Variants in RRAS2 observed in about 807,000 individuals in gnomAD.
The protein encoded by RRAS2 is RAS related 2.
In RRAS2, 7 loss-of-function variants were observed where a neutral mutation model predicts 27.6. The ratio of observed to expected loss-of-function variants is 0.25; its 90% CI spans 0.14 to 0.48. The LOEUF is 0.48. Among genes scored for constraint, RRAS2 ranks in the 20% least tolerant of loss-of-function variants. The probability of loss-of-function intolerance (pLI) is 0.99; values close to 1 mark genes in which losing one functional copy is unlikely to be tolerated. For synonymous variants in RRAS2, 86 were observed against 90.9 expected, an observed-to-expected ratio of 0.95 and a Z score of 0.31; for missense variants, 178 against 256.2, an observed-to-expected ratio of 0.69 and a Z score of 2.08.
chr11:14,294,626 T>C, intron 3 of RRAS2, 47 bp from the exon 4 acceptor site: 1 of 1,507,096 alleles, frequency 6.6e-7, no homozygotes, highest in Non-Finnish European at 9.1e-7. Context: ...TGGTCAAGTA[T>C]CAGAATTCAG....
At chr11:14,302,521 C>G (rs972458094) in intron 1 of RRAS2, among the ~76,000 whole-genome samples, 2 of 152,146 alleles carry the variant, frequency 1.3e-5, no homozygotes, top group East Asian at 3.8e-4. Flanking sequence ...ATTTCCTCAA[C>G]AGAAAAGGGC....
At chr11:14,318,816 CTT>C (rs1554949874) in intron 1 of RRAS2, among the ~76,000 whole-genome samples, 1 of 152,240 alleles carries the variant, frequency 6.6e-6, no homozygotes, top group East Asian at 1.9e-4. Flanking sequence ...ATAAATCAGA[CTT>C]TTACAAAACT....
chr11:14,357,371 ATACGTACAATC>A (rs1267353780), intron 1 of RRAS2, among the ~76,000 whole-genome samples: 2 of 152,076 alleles, frequency 1.3e-5, no homozygotes, highest in Admixed American at 6.5e-5. Context: ...TTGCCATTAG[ATACGTACAATC>A]TCTCTGCGCC....
intron 1 of RRAS2, among the ~76,000 whole-genome samples, chr11:14,323,323 C>A (rs1172533380): frequency 6.6e-6 from 1 of 151,898 alleles, no homozygotes; most frequent in Non-Finnish European, 1.5e-5. Flanking sequence ...CCAAGCATAG[C>A]GGCATGCGCC....
At position 14,278,671 on chromosome 11, in the gene RRAS2, T is replaced by TAG. The variant is rs1436796152; in HGVS notation, c.*665_*666insCT. On this transcript the variant is annotated 3_prime_UTR_variant, in exon 6 of 6. Transcript: ENST00000256196. Reference sequence around the variant, plus strand: ...AATTAAAAAATCAAGTACACTGAAATATCTAAGTCCTAAATGAGTCCAAAT... The same window carrying TAG: ...AATTAAAAAATCAAGTACACTGAAATAGATCTAAGTCCTAAATGAGTCCAAAT... 6.6e-6 allele frequency: 1 copy of TAG among 152,230 alleles called. No homozygotes were observed. The highest frequency in any genetic ancestry group is 1.5e-5 in the Non-Finnish European group (1 of 68,022). The allele number at this position is 152,230 out of a possible 1,614,324, so 9.4% of individuals were successfully genotyped here. A position where few individuals can be genotyped will look rare whatever the true frequency, so the allele number is the denominator to read the frequency against.
chr11:14,344,358 A>G lies in RRAS2; in HGVS notation c.108+14405T>C, dbSNP rs530241468. Among the ~76,000 whole-genome samples the G allele has an allele frequency of 1.2e-4, 19 of 152,240 alleles. No individual in the cohort carries two copies. In the South Asian group the frequency reaches 3.9e-3, roughly 32 times the overall value. On this transcript the variant is annotated intron_variant, in intron 1 of 5. Coordinates refer to ENST00000256196, the MANE Select transcript of RRAS2 (RefSeq NM_012250.6). ...CCCACAAACCTCTCTCTAACCTTAA[A>G]TTCACTCCTTCCTCAAGTAAAATGT...
chr11:14,352,555 T>C (rs1848977983), intron 1 of RRAS2, among the ~76,000 whole-genome samples: 2 of 152,104 alleles, frequency 1.3e-5, no homozygotes, highest in Admixed American at 1.3e-4. Context: ...TTCATGACTA[T>C]TAACTCCATA....
chr11:14,302,064 C>CCA lies in RRAS2; in HGVS notation c.109-6211_109-6210dup, dbSNP rs1391326999. ...GCCTATAAAACAAGGAGTAAATGTA[C>CCA]CACACACATACACACACACACACAC... On this transcript the variant is annotated intron_variant, in intron 1 of 5. Transcript: ENST00000256196. Among the ~76,000 whole-genome samples the CCA allele has an allele frequency of 2.3e-4, 12 of 51,846 alleles. 1 individual carries two copies. Among genetic ancestry groups the CCA allele is most frequent in the East Asian group, 2.3e-3 (3 of 1,326 alleles). 34.0% of individuals were successfully genotyped at this position (51,846 alleles called of 152,430 possible). A position where few individuals can be genotyped will look rare whatever the true frequency, so the allele number is the denominator to read the frequency against.
At chr11:14,316,097 T>C (rs957899471) in intron 1 of RRAS2, among the ~76,000 whole-genome samples, 3 of 152,196 alleles carry the variant, frequency 2.0e-5, no homozygotes, top group African/African-American at 4.8e-5. Flanking sequence ...AACAGGAAGT[T>C]TGGTCCTTCT....
intron 1 of RRAS2, among the ~76,000 whole-genome samples, chr11:14,344,920 A>G (rs1220908603): frequency 2.0e-5 from 3 of 151,658 alleles, no homozygotes; most frequent in African/African-American, 7.3e-5. Flanking sequence ...ACCATAATAG[A>G]TACAACTCAT....
intron 1 of RRAS2, among the ~76,000 whole-genome samples, chr11:14,312,049 G>A (rs1405012844): frequency 6.6e-6 from 1 of 151,954 alleles, no homozygotes; most frequent in African/African-American, 2.4e-5. Context: ...ATTTTTAGTA[G>A]AGATGGGGTT....
At chr11:14,297,540 T>C (rs1203084591) in intron 1 of RRAS2, among the ~76,000 whole-genome samples, 1 of 152,130 alleles carries the variant, frequency 6.6e-6, no homozygotes, top group East Asian at 1.9e-4. Flanking sequence ...TTTGTGAAAA[T>C]TACTTGAGCC....
intron 1 of RRAS2, among the ~76,000 whole-genome samples, chr11:14,297,374 C>CAGA (rs1364715426): frequency 6.6e-6 from 1 of 152,156 alleles, no homozygotes; most frequent in Non-Finnish European, 1.5e-5. Flanking sequence ...TTGAAGAGGA[C>CAGA]AGAAAAGAAT....
At chr11:14,340,938 C>G (rs1366114756) in intron 1 of RRAS2, among the ~76,000 whole-genome samples, 5 of 152,144 alleles carry the variant, frequency 3.3e-5, no homozygotes, top group Non-Finnish European at 5.9e-5. Flanking sequence ...TCCAAGAACA[C>G]AGAATTCCTT....
chr11:14,332,549 A>C (rs1160541792), intron 1 of RRAS2, among the ~76,000 whole-genome samples: 1 of 152,202 alleles, frequency 6.6e-6, no homozygotes, highest in Admixed American at 6.5e-5. Context: ...GAAACAAGCA[A>C]TATCATAGAT....
chr11:14,326,034 T>C (rs1358770972), intron 1 of RRAS2, among the ~76,000 whole-genome samples: 5 of 152,332 alleles, frequency 3.3e-5, no homozygotes, highest in African/African-American at 1.2e-4. Flanking sequence ...TTAAGAATAT[T>C]ACAGAATAGC....
chr11:14,363,952 C>A (rs1554956431), upstream of RRAS2, among the ~76,000 whole-genome samples: 1 of 152,068 alleles, frequency 6.6e-6, no homozygotes, highest in Non-Finnish European at 1.5e-5. Context: ...TGCCTGTAAT[C>A]CCAGCTACTC....
chr11:14,289,674 C>T (rs1361706993), intron 4 of RRAS2, among the ~76,000 whole-genome samples: 1 of 152,162 alleles, frequency 6.6e-6, no homozygotes, highest in Non-Finnish European at 1.5e-5. Context: ...TGCATCATCA[C>T]TGCCTAGAAA....
At chr11:14,357,552 A>G (rs1014066442) in intron 1 of RRAS2, among the ~76,000 whole-genome samples, 2 of 152,228 alleles carry the variant, frequency 1.3e-5, no homozygotes, top group East Asian at 3.8e-4. Context: ...AGGTTTTAGC[A>G]GCAGTAATCC....
Sources: allele counts gnomAD v4.1 joint callset (sites outside exome capture counted in the v4.1 genomes callset), GRCh38; gene constraint gnomAD v4.1.1; transcripts MANE v1.5; gene names NCBI Gene and HGNC (gene_info 2026-07-23, HGNC 2026-07-21).